Variants in ASB18 observed in about 807,000 individuals in gnomAD.
ASB18 encodes ankyrin repeat and SOCS box containing 18, also known as ankyrin repeat and SOCS box protein 18.
A neutral mutation model predicts 33.4 loss-of-function variants in ASB18; 33 were observed. The ratio of observed to expected loss-of-function variants is 0.99; its 90% confidence interval spans 0.75 to 1.32. The LOEUF (loss-of-function observed/expected upper bound fraction) is 1.32, where lower values mean the gene tolerates loss of function less well. Ranked by LOEUF, ASB18 falls within the 40% of genes most tolerant of loss-of-function variation. ASB18 has a pLI of 0.00. For missense variants in ASB18, 694 were observed against 655.5 expected (o/e 1.06, Z -0.64); for synonymous variants, 295 against 307.6 (o/e 0.96, Z 0.43).
chr2:236,201,308 T>G (rs1437883221), intron 4 of ASB18, among the ~76,000 whole-genome samples: 1 of 152,092 alleles, frequency 6.6e-6, no homozygotes, highest in South Asian at 2.1e-4. Flanking sequence ...CATGCCACTA[T>G]GCCAGGCTAA....
Position 236,244,455 on chromosome 2 carries a change from C to T in ASB18, c.206-3053G>A, listed in dbSNP as rs2060635543. On this transcript the variant is annotated intron_variant, in intron 1 of 5. Transcript: ENST00000409749. This position sits in a 1 kb window ranked among gnomAD's most constrained non-coding sequence, Gnocchi z 6.1. ...ACATGGTGTTGCAACCAGGAAGCAA[C>T]AGCAGAGAATCAACAGGAAAACAGA... Among the ~76,000 whole-genome samples the T allele has an allele frequency of 6.6e-6, 1 of 152,248 alleles. No individual in the cohort carries two copies. The highest frequency in any genetic ancestry group is 1.5e-5 in the Non-Finnish European group (1 of 68,044).
chr2:236,225,533 G>T lies in ASB18; in HGVS notation c.597-10667C>A, dbSNP rs2060532960. 6.6e-6 allele frequency among the ~76,000 whole-genome samples: 1 copy of T among 152,294 alleles called. No individual in the cohort carries two copies. On this transcript the variant is annotated intron_variant, in intron 3 of 5. Transcript: ENST00000409749. The surrounding 1 kb of genome is among the most constrained non-coding windows in gnomAD (Gnocchi z 5.1). ...TCTCACTTTTGTTTAAATCGAGACA[G>T]CTATAGACAAGAAAAAGAATAGGGC...
chr2:236,196,495 A>G lies in ASB18; in HGVS notation c.1102-110T>C, dbSNP rs541684474. ...CTCTCCCTAGCTGTGTGACCTCCCTACGCCCAAGCCACACAGGGAACAGCA... is the reference window on the plus strand; with the variant it reads ...CTCTCCCTAGCTGTGTGACCTCCCTGCGCCCAAGCCACACAGGGAACAGCA... On this transcript the variant is annotated intron_variant, in intron 4 of 5. Coordinates refer to ENST00000409749, the MANE Select transcript of ASB18 (RefSeq NM_212556.4). This position sits in a 1 kb window ranked among gnomAD's most constrained non-coding sequence, Gnocchi z 5.6. 29 of 660,886 alleles carry G rather than the reference A, an allele frequency of 4.4e-5. No homozygotes were observed. The Admixed American group carries it at 6.1e-4, about 14-fold the overall frequency. The allele number at this position is 660,886 out of a possible 1,614,324, so 40.9% of individuals were successfully genotyped here.
At position 236,215,559 on chromosome 2, in the gene ASB18, C is replaced by T. The variant is rs1388048240; in HGVS notation, c.597-693G>A. Among the ~76,000 whole-genome samples, 1 of 152,084 alleles carries T rather than the reference C, an allele frequency of 6.6e-6. No individual in the cohort carries two copies. Among genetic ancestry groups the T allele is most frequent in the Non-Finnish European group, 1.5e-5 (1 of 68,002 alleles). The stretch of plus-strand genomic sequence containing the variant: ...CCCCCATGGGAGCCTGCGGTCTTCC[C>T]CAGAGACGAGTGTCTTCCTTCTGCT... On this transcript the variant is annotated intron_variant, in intron 3 of 5. Coordinates refer to ENST00000409749, the MANE Select transcript of ASB18 (RefSeq NM_212556.4). This position sits in a 1 kb window ranked among gnomAD's most constrained non-coding sequence, Gnocchi z 7.2.
rs751566780 is a variant in ASB18 at position 236,228,170 on chromosome 2, G to A, written c.596+9519C>T. On this transcript the variant is annotated intron_variant, in intron 3 of 5. Transcript: ENST00000409749. The surrounding 1 kb of genome is among the most constrained non-coding windows in gnomAD (Gnocchi z 5.1). ...ATTAATCCATGTCTAAAGAATAGTT[G>A]GAAAGAAAGCCTCCTGGTGGAAAGT... Among the ~76,000 whole-genome samples the A allele has an allele frequency of 2.4e-4, 37 of 152,328 alleles. No homozygotes were observed. Among genetic ancestry groups the A allele is most frequent in the Non-Finnish European group, 4.3e-4 (29 of 68,014 alleles).
chr2:236,256,498 G>A lies in ASB18; in HGVS notation c.205+7643C>T, dbSNP rs866132702. 2.0e-5 allele frequency among the ~76,000 whole-genome samples: 3 copies of A among 152,120 alleles called. No homozygotes were observed. Among genetic ancestry groups the A allele is most frequent in the South Asian group, 2.1e-4 (1 of 4,826 alleles). On this transcript the variant is annotated intron_variant, in intron 1 of 5. Coordinates refer to ENST00000409749, the MANE Select transcript of ASB18 (RefSeq NM_212556.4). This position sits in a 1 kb window ranked among gnomAD's most constrained non-coding sequence, Gnocchi z 4.7. ...CCTGCCATTTCCAATTAGTTCCTTC[G>A]GAATGTTTACTTCTCAAGCAGAGCA... is the stretch of plus-strand genomic sequence containing the variant.
Position 236,214,481 on chromosome 2 carries a change from A to AGGTCTGGAGCACGC in ASB18, c.981_982insGCGTGCTCCAGACC (p.Ser328AlafsTer47), listed in dbSNP as rs1454579077. ...GTCTGGAGCACGCGGCCCAGCGGCGAGGCCCCGCCATAGTCGAGCGCGCCC... is the reference window on the plus strand; with the variant it reads ...GTCTGGAGCACGCGGCCCAGCGGCGAGGTCTGGAGCACGCGGCCCCGCCATAGTCGAGCGCGCCC... On this transcript the variant is annotated frameshift_variant, in exon 4 of 6. Transcript: ENST00000409749. LOFTEE classifies it high-confidence loss of function. The surrounding 1 kb of genome is among the most constrained non-coding windows in gnomAD (Gnocchi z 6.5). 21 of 1,501,060 alleles carry AGGTCTGGAGCACGC rather than the reference A, an allele frequency of 1.4e-5. No homozygotes were observed. The highest frequency in any genetic ancestry group is 1.9e-5 in the Non-Finnish European group (21 of 1,131,522). 93.0% of individuals were successfully genotyped at this position (1,501,060 alleles called of 1,614,324 possible).
rs2060359441 is a variant in ASB18, at chr2:236,193,985, G to C, written c.*887C>G. On this transcript the variant is annotated 3_prime_UTR_variant, in exon 6 of 6. Coordinates refer to ENST00000409749, the MANE Select transcript of ASB18 (RefSeq NM_212556.4). The surrounding 1 kb of genome is among the most constrained non-coding windows in gnomAD (Gnocchi z 5.0). ...CTGCGATGGAATAGCACCCCGTCCA[G>C]GCCTGGTTCCTGCCCTGCACACTGA... Among the ~76,000 whole-genome samples the C allele has an allele frequency of 1.3e-5, 2 of 152,168 alleles. No individual in the cohort carries two copies. The highest frequency in any genetic ancestry group is 4.8e-5 in the African/African-American group (2 of 41,426).
chr2:236,207,156 C>T (rs1459673495), intron 4 of ASB18, among the ~76,000 whole-genome samples: 4 of 152,234 alleles, frequency 2.6e-5, no homozygotes, highest in East Asian at 1.9e-4. Flanking sequence ...CCCCCTGTCA[C>T]CCAGGATGCA....
intron 3 of ASB18, among the ~76,000 whole-genome samples, chr2:236,230,699 A>G (rs1437404295): frequency 6.6e-6 from 1 of 151,712 alleles, no homozygotes; most frequent in Non-Finnish European, 1.5e-5. Context: ...ATAAACCAGA[A>G]AGAAATCACT....
In ASB18 at chr2:236,196,903, A is replaced by G. The variant is rs2060376777; in HGVS notation, c.1102-518T>C. On this transcript the variant is annotated intron_variant, in intron 4 of 5. Coordinates refer to ENST00000409749, the MANE Select transcript of ASB18 (RefSeq NM_212556.4). The surrounding 1 kb of genome is among the most constrained non-coding windows in gnomAD (Gnocchi z 5.6). Reference sequence around the variant, plus strand: ...TTATTTTCACAGTCCCCACTGGCAAAGATTCCTATTGCCTTATTCACAAAT... The same window carrying G: ...TTATTTTCACAGTCCCCACTGGCAAGGATTCCTATTGCCTTATTCACAAAT... 6.6e-6 allele frequency among the ~76,000 whole-genome samples: 1 copy of G among 152,218 alleles called. No individual in the cohort carries two copies. The highest frequency in any genetic ancestry group is 6.5e-5 in the Admixed American group (1 of 15,280).
rs1320449500 is a variant in ASB18 at position 236,263,420 on chromosome 2, G to T, written c.205+721C>A. Among the ~76,000 whole-genome samples the T allele has an allele frequency of 6.6e-6, 1 of 152,162 alleles. No individual in the cohort carries two copies. The highest frequency in any genetic ancestry group is 1.5e-5 in the Non-Finnish European group (1 of 68,038). ...ATTACCAGTGTGTGCTTATCAAATG[G>T]CAATTTAATACAAACATTCATTACC... On this transcript the variant is annotated intron_variant, in intron 1 of 5. Transcript: ENST00000409749. This position sits in a 1 kb window ranked among gnomAD's most constrained non-coding sequence, Gnocchi z 4.0.
rs906601954 is a variant in ASB18, at chr2:236,225,470, G to A, written c.597-10604C>T. Among the ~76,000 whole-genome samples, 1 of 152,200 alleles carries A rather than the reference G, an allele frequency of 6.6e-6. No homozygotes were observed. The highest frequency in any genetic ancestry group is 1.5e-5 in the Non-Finnish European group (1 of 68,046). On this transcript the variant is annotated intron_variant, in intron 3 of 5. Coordinates refer to ENST00000409749, the MANE Select transcript of ASB18 (RefSeq NM_212556.4). The surrounding 1 kb of genome is among the most constrained non-coding windows in gnomAD (Gnocchi z 5.1). ...CTGGGACAAAAAAGTAAACTTGCAT[G>A]CTTTTCATTAATAAATTCCGTGAGG...
At chr2:236,198,580 C>T (rs896869485) in intron 4 of ASB18, among the ~76,000 whole-genome samples, 2 of 152,184 alleles carry the variant, frequency 1.3e-5, no homozygotes, top group Non-Finnish European at 2.9e-5. Context: ...GTTGGCCAGG[C>T]TGGTCTTGAA....
At position 236,245,740 on chromosome 2, in the gene ASB18, G is replaced by T. The variant is rs1264058939; in HGVS notation, c.206-4338C>A. Among the ~76,000 whole-genome samples the T allele has an allele frequency of 6.6e-6, 1 of 152,164 alleles. No homozygotes were observed. The highest frequency in any genetic ancestry group is 1.9e-4 in the East Asian group (1 of 5,196). On this transcript the variant is annotated intron_variant, in intron 1 of 5. Transcript: ENST00000409749. This position sits in a 1 kb window ranked among gnomAD's most constrained non-coding sequence, Gnocchi z 4.7. ...ACCATGAGCTTTTTTGGAGGACGGT[G>T]GGGGCTGCTGCTTCCTCTCTGGGAA... is the stretch of plus-strand genomic sequence containing the variant.
rs1276242794 is a variant in ASB18, at chr2:236,220,203, C to CA, written c.597-5338dup. Among the ~76,000 whole-genome samples, 3 of 152,218 alleles carry CA rather than the reference C, an allele frequency of 2.0e-5. No homozygotes were observed. The highest frequency in any genetic ancestry group is 4.4e-5 in the Non-Finnish European group (3 of 68,028). ...GATGTGGGACTTTGGCCACTCCCTG[C>CA]ACACCCTCCCATCCACCCTCCAGCA... On this transcript the variant is annotated intron_variant, in intron 3 of 5. Transcript: ENST00000409749. This position sits in a 1 kb window ranked among gnomAD's most constrained non-coding sequence, Gnocchi z 5.1.
rs2060580253 is a variant in ASB18 at position 236,234,554 on chromosome 2, CCAGT to C, written c.596+3131_596+3134del. On this transcript the variant is annotated intron_variant, in intron 3 of 5. Coordinates refer to ENST00000409749, the MANE Select transcript of ASB18 (RefSeq NM_212556.4). This position sits in a 1 kb window ranked among gnomAD's most constrained non-coding sequence, Gnocchi z 4.1. ...GCTCCTCACGTCTTCACCAGGTGAA[CCAGT>C]CAGACTTTGCCCTGCTTTGCACATG... Among the ~76,000 whole-genome samples the C allele has an allele frequency of 6.6e-6, 1 of 152,296 alleles. No homozygotes were observed. The highest frequency in any genetic ancestry group is 2.4e-5 in the African/African-American group (1 of 41,572).
In ASB18 at chr2:236,241,814, C is replaced by A. The variant is rs2060622517; in HGVS notation, c.206-412G>T. 6.6e-6 allele frequency among the ~76,000 whole-genome samples: 1 copy of A among 152,198 alleles called. No homozygotes were observed. ...CAGCTCTCCATGCACCGAGGGCAGA[C>A]TCCCAGCACACATTTAATTGTGATG... On this transcript the variant is annotated intron_variant, in intron 1 of 5. Transcript: ENST00000409749. The surrounding 1 kb of genome is among the most constrained non-coding windows in gnomAD (Gnocchi z 4.2).
chr2:236,261,471 C>T (rs558070249), intron 1 of ASB18, among the ~76,000 whole-genome samples: 1 of 152,322 alleles, frequency 6.6e-6, no homozygotes, highest in East Asian at 1.9e-4. Flanking sequence ...TTGCTCCCTG[C>T]ACCCTTGTCC....
Sources: gnomAD v4.1 joint callset for allele counts (sites outside exome capture counted in the v4.1 genomes callset) on GRCh38, gnomAD v4.1.1 for gene constraint, Gnocchi (gnomAD v3.1) non-coding constraint, MANE v1.5 for transcripts, NCBI Gene and HGNC (gene_info 2026-07-23, HGNC 2026-07-21) for gene names.